XYLT1: variants seen among roughly 807,000 people sequenced by gnomAD.
XYLT1 encodes beta-D-xylosyltransferase 1.
XYLT1 carries 36 observed loss-of-function variants against 91.3 expected under a neutral mutation model. That is an observed-to-expected ratio of 0.39 (90% confidence interval 0.30 to 0.52). The LOEUF is 0.52. XYLT1 is among the 20% of genes least tolerant of loss of function. The pLI is 0.68. For synonymous variants in XYLT1, 588 were observed against 532.0 expected, an observed-to-expected ratio of 1.11 and a Z score of -1.45; for missense variants, 1,242 against 1,284.5, an observed-to-expected ratio of 0.97 and a Z score of 0.51.
At chr16:17,231,133 A>G (rs1245932786) in intron 3 of XYLT1, among the ~76,000 whole-genome samples, 1 of 152,226 alleles carries the variant, frequency 6.6e-6, no homozygotes, top group Non-Finnish European at 1.5e-5. Context: ...TCCAATGTGC[A>G]TTTGCCCTTG....
chr16:17,214,948 C>T (rs1044999919), intron 3 of XYLT1, among the ~76,000 whole-genome samples: 1 of 152,206 alleles, frequency 6.6e-6, no homozygotes, highest in Admixed American at 6.5e-5. Context: ...CTTTCCTTTT[C>T]CAAAGACAGG....
intron 1 of XYLT1, among the ~76,000 whole-genome samples, chr16:17,455,210 C>T (rs8043831): frequency 0.44 from 66,764 of 151,652 alleles, 15,658 homozygotes; most frequent in African/African-American, 0.6. Flanking sequence ...GGCTGGTGGG[C>T]TCTGAATTCG....
intron 2 of XYLT1, among the ~76,000 whole-genome samples, chr16:17,324,497 C>CA (rs968573926): frequency 1.3e-5 from 2 of 151,890 alleles, no homozygotes; most frequent in African/African-American, 4.8e-5. Flanking sequence ...TAAAATAAAA[C>CA]AAAAAAAGAA....
At chr16:17,137,986 G>A (rs1272027287) in intron 8 of XYLT1, among the ~76,000 whole-genome samples, 1 of 152,092 alleles carries the variant, frequency 6.6e-6, no homozygotes, top group Non-Finnish European at 1.5e-5. Context: ...ATATTCCTGG[G>A]TACAAATGTA....
intron 2 of XYLT1, among the ~76,000 whole-genome samples, chr16:17,346,401 T>TG (rs2035144866): frequency 6.6e-6 from 1 of 152,038 alleles, no homozygotes; most frequent in Non-Finnish European, 1.5e-5. Flanking sequence ...GCAGGCCAGG[T>TG]GGGGACTTCT....
intron 2 of XYLT1, among the ~76,000 whole-genome samples, chr16:17,308,561 C>G (rs764402226): frequency 6.6e-6 from 1 of 152,150 alleles, no homozygotes; most frequent in Non-Finnish European, 1.5e-5. Flanking sequence ...GGTTCAAAGA[C>G]GGAAACTGTA....
intron 5 of XYLT1, among the ~76,000 whole-genome samples, chr16:17,160,897 C>T (rs139932214): frequency 6.6e-6 from 1 of 152,298 alleles, no homozygotes; most frequent in Non-Finnish European, 1.5e-5. Flanking sequence ...AGGCCCATTC[C>T]AACTGCGTTT....
At chr16:17,325,825 T>C (rs1411023513) in intron 2 of XYLT1, among the ~76,000 whole-genome samples, 4 of 152,188 alleles carry the variant, frequency 2.6e-5, no homozygotes, top group Non-Finnish European at 5.9e-5. Context: ...GAAATTTAAA[T>C]TCATAAGTAT....
At chr16:17,339,243 G>A (rs1341401421) in intron 2 of XYLT1, among the ~76,000 whole-genome samples, 1 of 152,082 alleles carries the variant, frequency 6.6e-6, no homozygotes, top group East Asian at 1.9e-4. Context: ...ACCCGCTGAT[G>A]AACTTGTACA....
chr16:17,208,667 C>G (rs919518199), intron 3 of XYLT1, among the ~76,000 whole-genome samples: 1 of 152,152 alleles, frequency 6.6e-6, no homozygotes, highest in Non-Finnish European at 1.5e-5. Context: ...TTTCGGAGTA[C>G]TTCAGATTTT....
chr16:17,301,033 T>C (rs1450384365), intron 2 of XYLT1, among the ~76,000 whole-genome samples: 1 of 152,088 alleles, frequency 6.6e-6, no homozygotes, highest in African/African-American at 2.4e-5. Context: ...TTAGTTTGTA[T>C]ATCTAAAGCA....
chr16:17,327,361 C>CTTTTTTTT (rs138879762), intron 2 of XYLT1, among the ~76,000 whole-genome samples: 8 of 108,080 alleles, frequency 7.4e-5, no homozygotes, highest in East Asian at 2.4e-4. Flanking sequence ...TTTCTTTTTT[C>CTTTTTTTT]TTTTTTTTTT....
At chr16:17,273,098 G>A (rs1041199092) in intron 2 of XYLT1, among the ~76,000 whole-genome samples, 7 of 152,134 alleles carry the variant, frequency 4.6e-5, no homozygotes, top group Admixed American at 1.3e-4. Context: ...TGTCCTGTGC[G>A]TAAACAACTC....
At chr16:17,232,118 ATATAT>A (rs991134407) in intron 3 of XYLT1, among the ~76,000 whole-genome samples, 4 of 145,054 alleles carry the variant, frequency 2.8e-5, no homozygotes, top group South Asian at 2.1e-4. Flanking sequence ...CGATAATTAT[ATATAT>A]TATAATATAT....
At chr16:17,121,962 GTA>G (rs762933494) in intron 10 of XYLT1, among the ~76,000 whole-genome samples, 11 of 150,162 alleles carry the variant, frequency 7.3e-5, no homozygotes, top group Non-Finnish European at 1.2e-4. Flanking sequence ...ATTCCATGGG[GTA>G]TATATATATA....
At chr16:17,154,247 T>C (rs1034850105) in intron 6 of XYLT1, among the ~76,000 whole-genome samples, 1 of 152,220 alleles carries the variant, frequency 6.6e-6, no homozygotes, top group Admixed American at 6.5e-5. Flanking sequence ...GGCTGTGGTA[T>C]AGAAGAGCTG....
At chr16:17,392,241 C>T (rs891676007) in intron 1 of XYLT1, among the ~76,000 whole-genome samples, 2 of 152,220 alleles carry the variant, frequency 1.3e-5, no homozygotes, top group Non-Finnish European at 2.9e-5. Flanking sequence ...CCTCTGTGCT[C>T]CAGCACCGAT....
chr16:17,405,811 T>G (rs551635452), intron 1 of XYLT1, among the ~76,000 whole-genome samples: 1 of 152,116 alleles, frequency 6.6e-6, no homozygotes, highest in East Asian at 1.9e-4. Context: ...AAGGGCACAG[T>G]GATGTAAAGA....
chr16:17,118,289 T>TGAATGAACGAAC (rs1347049407), intron 10 of XYLT1, among the ~76,000 whole-genome samples: 1 of 150,400 alleles, frequency 6.6e-6, no homozygotes, highest in Non-Finnish European at 1.5e-5. Context: ...AATGAACGAA[T>TGAATGAACGAAC]GAATGAATGA....
Sources: allele counts gnomAD v4.1 joint callset (sites outside exome capture counted in the v4.1 genomes callset), GRCh38; gene constraint gnomAD v4.1.1; transcripts MANE v1.5; gene names NCBI Gene and HGNC (gene_info 2026-07-23, HGNC 2026-07-21).